Variants in CD4 observed in about 807,000 individuals in gnomAD.
CD4 encodes the protein T-cell surface glycoprotein CD4.
CD4 carries 25 observed loss-of-function variants against 50.5 expected under a neutral mutation model. The ratio of observed to expected loss-of-function variants is 0.49; its 90% CI spans 0.36 to 0.69. The LOEUF is 0.69. CD4 is among the 30% of genes least tolerant of loss of function. The pLI, the probability that CD4 is intolerant of heterozygous loss-of-function variation, is 0.00. For synonymous variants in CD4, 207 were observed against 221.9 expected (o/e 0.93, Z 0.60); for missense variants, 456 against 548.5 (o/e 0.83, Z 1.68).
chr12:6,790,303 AC>A (rs1261253690), intron 1 of CD4, among the ~76,000 whole-genome samples: 1 of 152,256 alleles, frequency 6.6e-6, no homozygotes, highest in East Asian at 1.9e-4. Context: ...TCTTTTAACT[AC>A]CTTTTGTGTT....
rs1943051083 is a variant in CD4 at position 6,815,067 on chromosome 12, C to T, written c.607+75C>T. ...CAGCCCCTCCCTCTGCTCTGACTGC[C>T]CTGTTTCTGGTTCTGGTGCTGGGAG... is the stretch of plus-strand genomic sequence containing the variant. On this transcript the variant is annotated intron_variant, in intron 5 of 9. Coordinates refer to ENST00000011653, the MANE Select transcript of CD4 (RefSeq NM_000616.5). 3.4e-5 allele frequency: 35 copies of T among 1,017,728 alleles called. No individual in the cohort carries two copies. The South Asian group carries it at 4.9e-4, about 14-fold the overall frequency. The allele number at this position is 1,017,728 out of a possible 1,614,324, so 63.0% of individuals were successfully genotyped here. A position where few individuals can be genotyped will look rare whatever the true frequency, so the allele number is the denominator to read the frequency against.
chr12:6,816,272 G>A lies in CD4; in HGVS notation c.824G>A (p.Gly275Asp). Residue 275 changes from glycine (G) to aspartate (D), a missense_variant, in exon 6 of 10, where the codon GGC (glycine) becomes GAC (aspartate). Gly to Asp is a moderately conservative substitution (Grantham distance 94, BLOSUM62 -1). Transcript: ENST00000011653. This position sits in a 1 kb window ranked among gnomAD's most constrained non-coding sequence, Gnocchi z 4.9. ...RVTQDPKLQMGKKLPLHLTLP... is the reference protein window; with the variant it reads ...RVTQDPKLQMDKKLPLHLTLP... ...ACCCAGGACCCTAAGCTCCAGATGG[G>A]CAAGAAGCTCCCGCTCCACCTCACC... is the stretch of plus-strand genomic sequence containing the variant. 6.2e-7 allele frequency: 1 copy of A among 1,614,198 alleles called. No homozygotes were observed. Among genetic ancestry groups the A allele is most frequent in the Admixed American group, 1.7e-5 (1 of 60,032 alleles).
At chr12:6,813,882 C>T (rs1439951700) in intron 3 of CD4, among the ~76,000 whole-genome samples, 2 of 152,168 alleles carry the variant, frequency 1.3e-5, no homozygotes, top group Non-Finnish European at 2.9e-5. Flanking sequence ...TGAGATGATG[C>T]CTGTAAAGTA....
intron 3 of CD4, among the ~76,000 whole-genome samples, chr12:6,806,116 T>A (rs1942746854): frequency 7.1e-6 from 1 of 141,418 alleles, no homozygotes. Flanking sequence ...CTGGGCAACA[T>A]GAGGAAACCC....
In CD4 at chr12:6,818,669, C is replaced by G; in HGVS notation, c.1278+127C>G. 2.3e-6 allele frequency: 3 copies of G among 1,291,398 alleles called. No individual in the cohort carries two copies. Among genetic ancestry groups the G allele is most frequent in the Non-Finnish European group, 3.3e-6 (3 of 905,630 alleles). 80.0% of individuals were successfully genotyped at this position (1,291,398 alleles called of 1,614,324 possible). On this transcript the variant is annotated intron_variant, in intron 8 of 9. Coordinates refer to ENST00000011653, the MANE Select transcript of CD4 (RefSeq NM_000616.5). This position sits in a 1 kb window ranked among gnomAD's most constrained non-coding sequence, Gnocchi z 5.0. ...CCCACTCGTAAGTTCCCTTGCTGCCCTGTCCCAGATCCCACTCAAGGGAGA... is the reference window on the plus strand; with the variant it reads ...CCCACTCGTAAGTTCCCTTGCTGCCGTGTCCCAGATCCCACTCAAGGGAGA...
At chr12:6,805,442 T>C (rs1942714932) in intron 3 of CD4, among the ~76,000 whole-genome samples, 2 of 151,100 alleles carry the variant, frequency 1.3e-5, no homozygotes, top group Admixed American at 6.6e-5. Flanking sequence ...GCATGCCTGA[T>C]CCCAGCTACT....
rs536684588 is a variant in CD4 at position 6,793,087 on chromosome 12, C to T, written c.-68+3425C>T. On this transcript the variant is annotated intron_variant, in intron 1 of 9. Transcript: ENST00000011653. ...TACTAGGGTAAGACACCTCTGGGGA[C>T]GCTGAGTATGGGAATCAAAGGCCAG... Among the ~76,000 whole-genome samples, 30 of 152,156 alleles carry T rather than the reference C, an allele frequency of 2.0e-4. No homozygotes were observed. In the South Asian group the frequency reaches 4.6e-3, roughly 23 times the overall value.
At chr12:6,807,141 T>C (rs1555116311) in intron 3 of CD4, among the ~76,000 whole-genome samples, 1 of 151,426 alleles carries the variant, frequency 6.6e-6, no homozygotes, top group East Asian at 2.0e-4. Context: ...CACTCCAACC[T>C]GGGAGACGGA....
At chr12:6,806,126 C>T (rs1441784653) in intron 3 of CD4, among the ~76,000 whole-genome samples, 4 of 140,900 alleles carry the variant, frequency 2.8e-5, no homozygotes, top group Admixed American at 7.3e-5. Context: ...TGAGGAAACC[C>T]CGTCTCTACC....
Position 6,816,518 on chromosome 12 carries a change from T to A in CD4, c.955+115T>A. 1.2e-6 allele frequency: 1 copy of A among 847,000 alleles called. No homozygotes were observed. Among genetic ancestry groups the A allele is most frequent in the Non-Finnish European group, 1.8e-6 (1 of 551,568 alleles). The allele number at this position is 847,000 out of a possible 1,614,324, so 52.5% of individuals were successfully genotyped here. A position where few individuals can be genotyped will look rare whatever the true frequency, so the allele number is the denominator to read the frequency against. On this transcript the variant is annotated intron_variant, in intron 6 of 9. Coordinates refer to ENST00000011653, the MANE Select transcript of CD4 (RefSeq NM_000616.5). This position sits in a 1 kb window ranked among gnomAD's most constrained non-coding sequence, Gnocchi z 4.9. ...AGGGGATGCCTAGGCCCTGGTCACC[T>A]GGATGAAGTGAGGGAGGGCCCTCTG...
At chr12:6,795,534 G>T (rs1942351328) in intron 1 of CD4, among the ~76,000 whole-genome samples, 1 of 152,182 alleles carries the variant, frequency 6.6e-6, no homozygotes, top group Non-Finnish European at 1.5e-5. Flanking sequence ...ACCTCCCATG[G>T]TTCAAGAGAT....
At chr12:6,809,890 C>CTTTTTTTT (rs33952514) in intron 3 of CD4, among the ~76,000 whole-genome samples, 1 of 125,984 alleles carries the variant, frequency 7.9e-6, no homozygotes, top group Admixed American at 8.6e-5. Context: ...GCCTATACCT[C>CTTTTTTTT]TTTTTTTTTT....
chr12:6,794,668 G>A (rs958986112), intron 1 of CD4, among the ~76,000 whole-genome samples: 21 of 151,774 alleles, frequency 1.4e-4, no homozygotes, highest in Admixed American at 4.6e-4. Flanking sequence ...CACTGCATCC[G>A]GCCTTATATA....
At chr12:6,811,255 A>AT (rs533387895) in intron 3 of CD4, among the ~76,000 whole-genome samples, 253 of 152,228 alleles carry the variant, frequency 1.7e-3, no homozygotes, top group African/African-American at 6.0e-3. Flanking sequence ...TGCTATGTAA[A>AT]TTTAGCTTCT....
chr12:6,812,081 C>T (rs1310335345), intron 3 of CD4, among the ~76,000 whole-genome samples: 2 of 152,114 alleles, frequency 1.3e-5, no homozygotes, highest in East Asian at 1.9e-4. Flanking sequence ...CCACCACTTA[C>T]GGGAGTCAAA....
Position 6,819,445 on chromosome 12 carries a change from C to A in CD4, c.*116C>A, listed in dbSNP as rs782140051. Reference sequence around the variant, plus strand: ...CAGCCTCTGGCCTCCTGTTCGCCTCCTCTACAATTTGCCATTGTTTCTCCT... The same window carrying A: ...CAGCCTCTGGCCTCCTGTTCGCCTCATCTACAATTTGCCATTGTTTCTCCT... On this transcript the variant is annotated 3_prime_UTR_variant, in exon 10 of 10. Coordinates refer to ENST00000011653, the MANE Select transcript of CD4 (RefSeq NM_000616.5). The A allele has an allele frequency of 2.1e-6, 2 of 971,728 alleles. No homozygotes were observed. Among genetic ancestry groups the A allele is most frequent in the Non-Finnish European group, 3.3e-6 (2 of 606,180 alleles). 60.2% of individuals were successfully genotyped at this position (971,728 alleles called of 1,614,324 possible).
At chr12:6,797,249 C>T (rs1243913453) in intron 1 of CD4, among the ~76,000 whole-genome samples, 1 of 152,074 alleles carries the variant, frequency 6.6e-6, no homozygotes, top group African/African-American at 2.4e-5. Flanking sequence ...GCCCCCACCA[C>T]CCCCAGTCTC....
rs1452534837 is a variant in CD4, at chr12:6,818,012, A to ACACACATTCATACACGCACACAGG, written c.1157-398_1157-375dup. Among the ~76,000 whole-genome samples, 20 of 151,570 alleles carry ACACACATTCATACACGCACACAGG rather than the reference A, an allele frequency of 1.3e-4. 1 individual carries two copies. The highest frequency in any genetic ancestry group is 4.9e-4 in the African/African-American group (20 of 41,194). On this transcript the variant is annotated intron_variant, in intron 7 of 9. Coordinates refer to ENST00000011653, the MANE Select transcript of CD4 (RefSeq NM_000616.5). This position sits in a 1 kb window ranked among gnomAD's most constrained non-coding sequence, Gnocchi z 5.0. ...CGCGCGCACATGCATGCAGTCACGC[A>ACACACATTCATACACGCACACAGG]CACACATTCATACACGCACACAGGC...
At chr12:6,794,773 C>CTTT (rs1942312554) in intron 1 of CD4, among the ~76,000 whole-genome samples, 1 of 103,036 alleles carries the variant, frequency 9.7e-6, no homozygotes, top group African/African-American at 3.2e-5. Flanking sequence ...GTCTGTATGT[C>CTTT]TGTTTTTTTT....
Sources: allele counts gnomAD v4.1 joint callset (sites outside exome capture counted in the v4.1 genomes callset), GRCh38; gene constraint gnomAD v4.1.1; non-coding constraint Gnocchi (gnomAD v3.1); transcripts MANE v1.5; gene names NCBI Gene and HGNC (gene_info 2026-07-23, HGNC 2026-07-21).